Variants in IFT172 observed in about 807,000 individuals in gnomAD.
IFT172 encodes the protein intraflagellar transport 172.
Under a neutral mutation model 248.9 loss-of-function variants are expected in IFT172, and 164 were observed. That is an observed-to-expected ratio of 0.66 (90% CI 0.58 to 0.75). The LOEUF is 0.75. Among genes scored for constraint, IFT172 ranks in the 30% least tolerant of loss-of-function variants. IFT172 has a pLI of 0.00. For synonymous variants in IFT172, 729 were observed against 791.6 expected, an observed-to-expected ratio of 0.92 and a Z score of 1.33; for missense variants, 1,950 against 2,192.4, an observed-to-expected ratio of 0.89 and a Z score of 2.21.
In IFT172 at chr2:27,485,022, C is replaced by A; in HGVS notation, c.292G>T (p.Asp98Tyr). 3 of 1,543,242 alleles carry A rather than the reference C, an allele frequency of 1.9e-6. No individual in the cohort carries two copies. The highest frequency in any genetic ancestry group is 2.7e-6 in the Non-Finnish European group (3 of 1,116,422). The change falls in exon 3 of 48, where the codon GAT becomes TAT. Residue 98 changes from aspartate (D) to tyrosine (Y), a missense_variant. Asp to Tyr is a radical substitution (Grantham distance 160). Coordinates refer to ENST00000260570, the MANE Select transcript of IFT172 (RefSeq NM_015662.3). ...TCTCCCAGTCTCTATCCTCACCAATCTTCTCCAATCTTGTAGACATAGATG... is the reference window on the plus strand; with the variant it reads ...TCTCCCAGTCTCTATCCTCACCAATATTCTCCAATCTTGTAGACATAGATG... ...NIIYVYKIGE[D>Y]WGDKKVICNK... is the part of the protein sequence containing the mutation.
chr2:27,456,479 G>A lies in IFT172; in HGVS notation c.3371+32C>T. On this transcript the variant is annotated intron_variant, in intron 30 of 47. Coordinates refer to ENST00000260570, the MANE Select transcript of IFT172 (RefSeq NM_015662.3). Reference sequence around the variant, plus strand: ...TCTAGATAGTGGCTCTGGCTGGGATGGGGCCCGTGGAGAGAAAGCTTGGGG... The same window carrying A: ...TCTAGATAGTGGCTCTGGCTGGGATAGGGCCCGTGGAGAGAAAGCTTGGGG... 3 of 1,596,748 alleles carry A rather than the reference G, an allele frequency of 1.9e-6. No individual in the cohort carries two copies. In the South Asian group the frequency reaches 3.4e-5, roughly 18 times the overall value.
intron 24 of IFT172, 74 bp downstream of exon 24, chr2:27,459,635 C>T: frequency 1.2e-6 from 2 of 1,604,396 alleles, no homozygotes; most frequent in Non-Finnish European, 1.7e-6. Context: ...TTCTTTAAGG[C>T]CTTGGTGTCC....
chr2:27,483,756 C>G (rs1164350363), intron 5 of IFT172, 97 bp from the exon 6 acceptor site: 2 of 1,450,678 alleles, frequency 1.4e-6, no homozygotes, highest in Middle Eastern at 1.7e-4. Context: ...AAACTGGTCC[C>G]TATGCATTCT....
intron 7 of IFT172, 145 bp downstream of exon 7, chr2:27,483,144 C>T (rs1029135774): frequency 1.5e-5 from 9 of 601,804 alleles, no homozygotes; most frequent in Middle Eastern, 5.9e-4. Context: ...GCTGGGACTA[C>T]AGGCCCATGC....
Position 27,447,598 on chromosome 2 carries a change from G to C in IFT172, c.4576C>G (p.Pro1526Ala), listed in dbSNP as rs762450548. 4.3e-6 allele frequency: 7 copies of C among 1,614,028 alleles called. No individual in the cohort carries two copies. In the African/African-American group the frequency reaches 6.7e-5, roughly 15 times the overall value. ...ATCGTCTTGAACTCCTCATGGGCTG[G>C]AGAGTTTGCCTCACTGGACTTCACC... ...NLVKSSEANS[P>A]AHEEFKTMLL... Residue 1526 changes from proline to alanine, a missense_variant, in exon 42 of 48, where the codon CCA becomes GCA. Pro to Ala is a conservative substitution (Grantham distance 27). Around this residue, in one of 3 missense-constraint regions of IFT172, gnomAD observed 620 missense variants for 699.0 expected, o/e 0.89. Transcript: ENST00000260570.
In IFT172 at chr2:27,458,879, TGGGAGGTA is replaced by T; in HGVS notation, c.2788-19_2788-12del. On this transcript the variant is annotated splice_polypyrimidine_tract_variant and intron_variant, in intron 25 of 47. Transcript: ENST00000260570. ...GAGCTCCTCAGCAATCTGTAGTTGA[TGGGAGGTA>T]GATACAAAAGGTCAGAGCAACAGAC... is the stretch of plus-strand genomic sequence containing the variant. 6 of 1,613,698 alleles carry T rather than the reference TGGGAGGTA, an allele frequency of 3.7e-6. No homozygotes were observed. Among genetic ancestry groups the T allele is most frequent in the Non-Finnish European group, 5.1e-6 (6 of 1,179,884 alleles).
intron 42 of IFT172, 76 bp downstream of exon 42, chr2:27,447,439 C>A (rs922416995): frequency 9.7e-6 from 15 of 1,550,638 alleles, no homozygotes; most frequent in Non-Finnish European, 1.3e-5. Context: ...GAATCCAGAA[C>A]GTGAATCAAT....
In IFT172 at chr2:27,445,238, T is replaced by A. The variant is rs1664951562; in HGVS notation, c.5068+58A>T. 7 of 1,585,666 alleles carry A rather than the reference T, an allele frequency of 4.4e-6. No individual in the cohort carries two copies. Among genetic ancestry groups the A allele is most frequent in the Non-Finnish European group, 6.0e-6 (7 of 1,164,320 alleles). On this transcript the variant is annotated intron_variant, in intron 46 of 47. Transcript: ENST00000260570. This position sits in a 1 kb window ranked among gnomAD's most constrained non-coding sequence, Gnocchi z 4.4. ...TACTGAATCCTAGTAAAATTAAGTT[T>A]ATTGATCCTGCTGCTTTCTACCCAC...
At chr2:27,446,165 A>G in intron 43 of IFT172, 95 bp downstream of exon 43, 1 of 1,368,622 alleles carries the variant, frequency 7.3e-7, no homozygotes, top group South Asian at 1.2e-5. Context: ...CATCAGCCCT[A>G]CACTCAGCTT....
chr2:27,479,910 G>A, intron 9 of IFT172, 116 bp downstream of exon 9: 1 of 1,372,000 alleles, frequency 7.3e-7, no homozygotes, highest in East Asian at 2.5e-5. Context: ...TTAGGTCAGG[G>A]TCAAAAGGAA....
At chr2:27,470,746 T>G in intron 16 of IFT172, 182 bp downstream of exon 16, 1 of 540,232 alleles carries the variant, frequency 1.9e-6, no homozygotes. Context: ...TCTAATATAA[T>G]GTCAGGAATC....
chr2:27,460,955 C>T (rs1666609744), intron 23 of IFT172, 60 bp downstream of exon 23: 4 of 1,604,852 alleles, frequency 2.5e-6, no homozygotes, highest in Non-Finnish European at 2.6e-6. Flanking sequence ...CAAGAGGTGC[C>T]AGGGAACCAG....
At chr2:27,447,236 G>C (rs1471514693) in intron 42 of IFT172, among the ~76,000 whole-genome samples, 1 of 152,200 alleles carries the variant, frequency 6.6e-6, no homozygotes, top group Non-Finnish European at 1.5e-5. Flanking sequence ...AATAAGCCCA[G>C]AATATGTGTA....
At chr2:27,484,578 G>A (rs1668615721) in intron 3 of IFT172, among the ~76,000 whole-genome samples, 1 of 152,050 alleles carries the variant, frequency 6.6e-6, no homozygotes, top group South Asian at 2.1e-4. Context: ...GTGACAGAGT[G>A]AGACTCTATC....
At chr2:27,455,323 A>T (rs1666064440) in intron 30 of IFT172, 1 of 326,458 alleles carries the variant, frequency 3.1e-6, no homozygotes, top group Middle Eastern at 1.2e-3. Flanking sequence ...TGATGATCAC[A>T]GCTAGGAAAA....
chr2:27,447,424 C>T (rs1665240075), intron 42 of IFT172, 91 bp downstream of exon 42: 1 of 1,521,182 alleles, frequency 6.6e-7, no homozygotes, highest in Admixed American at 1.9e-5. Flanking sequence ...AGAGCCCAAG[C>T]TGAAGAATCC....
intron 25 of IFT172, 62 bp downstream of exon 25, chr2:27,459,316 G>T: frequency 6.3e-7 from 1 of 1,575,802 alleles, no homozygotes; most frequent in Non-Finnish European, 8.6e-7. Flanking sequence ...TCCTGCTTTG[G>T]GTTCTCTCAT....
At chr2:27,472,799 A>C (rs540156777) in intron 14 of IFT172, among the ~76,000 whole-genome samples, 2 of 152,332 alleles carry the variant, frequency 1.3e-5, no homozygotes, top group Non-Finnish European at 2.9e-5. Flanking sequence ...CTCTGACTAA[A>C]GTTAGGCTGG....
chr2:27,466,644 A>G (rs1481498800), intron 16 of IFT172, among the ~76,000 whole-genome samples: 1 of 152,142 alleles, frequency 6.6e-6, no homozygotes, highest in Non-Finnish European at 1.5e-5. Context: ...ATACAAGGAA[A>G]CCAACCACTA....
Sources: gnomAD v4.1 joint callset for allele counts (sites outside exome capture counted in the v4.1 genomes callset) on GRCh38, gnomAD v4.1.1 for gene constraint, gnomAD v4.1.1 regional missense constraint, Gnocchi (gnomAD v3.1) non-coding constraint, MANE v1.5 for transcripts, NCBI Gene and HGNC (gene_info 2026-07-23, HGNC 2026-07-21) for gene names.